Variants in CADPS observed in about 807,000 individuals in gnomAD.
CADPS encodes calcium-dependent secretion activator 1.
A neutral mutation model predicts 167.3 loss-of-function variants in CADPS; 57 were observed. The ratio of observed to expected loss-of-function variants is 0.34; its 90% CI spans 0.28 to 0.42. The LOEUF (loss-of-function observed/expected upper bound fraction) is 0.42. CADPS is among the 20% of genes least tolerant of loss of function. The probability of loss-of-function intolerance (pLI) is 1.00; values close to 1 mark genes in which losing one functional copy is unlikely to be tolerated. For synonymous variants in CADPS, 676 were observed against 635.3 expected, an observed-to-expected ratio of 1.06 and a Z score of -0.96; for missense variants, 1,414 against 1,738.1, an observed-to-expected ratio of 0.81 and a Z score of 3.32.
chr3:62,597,949 A>C (rs2059157961), intron 6 of CADPS, among the ~76,000 whole-genome samples: 1 of 152,184 alleles, frequency 6.6e-6, no homozygotes, highest in Non-Finnish European at 1.5e-5. Flanking sequence ...GGCCCAGTGC[A>C]AATAAAAAAT....
intron 13 of CADPS, among the ~76,000 whole-genome samples, chr3:62,521,689 G>A (rs771926897): frequency 6.6e-5 from 10 of 152,148 alleles, no homozygotes; most frequent in Non-Finnish European, 1.3e-4. Flanking sequence ...TCACGCTCTC[G>A]TGTCCTGACT....
intron 1 of CADPS, among the ~76,000 whole-genome samples, chr3:62,805,475 C>T (rs73102735): frequency 0.18 from 26,816 of 152,084 alleles, 2,779 homozygotes; most frequent in Middle Eastern, 0.3. Flanking sequence ...AATCTTACCT[C>T]GAAACTACTA....
chr3:62,621,157 A>T (rs2063107666), intron 6 of CADPS, among the ~76,000 whole-genome samples: 1 of 152,186 alleles, frequency 6.6e-6, no homozygotes, highest in Non-Finnish European at 1.5e-5. Flanking sequence ...ATATGGGGGC[A>T]CCGCAGATTG....
intron 9 of CADPS, among the ~76,000 whole-genome samples, chr3:62,557,815 G>T (rs976488130): frequency 1.3e-5 from 2 of 152,166 alleles, no homozygotes; most frequent in African/African-American, 4.8e-5. Context: ...CTTGATGAAG[G>T]TTAGCTATTA....
chr3:62,742,733 A>C (rs1170955828), intron 3 of CADPS, among the ~76,000 whole-genome samples: 1 of 152,248 alleles, frequency 6.6e-6, no homozygotes, highest in Non-Finnish European at 1.5e-5. Flanking sequence ...TTCATGATGA[A>C]GACACCAAAA....
intron 1 of CADPS, among the ~76,000 whole-genome samples, chr3:62,815,322 G>A (rs2094563943): frequency 6.6e-6 from 1 of 151,826 alleles, no homozygotes; most frequent in South Asian, 2.1e-4. Flanking sequence ...ATTAGTGAGT[G>A]AAGAGGCCAG....
chr3:62,693,855 T>C (rs1211485986), intron 3 of CADPS, among the ~76,000 whole-genome samples: 1 of 151,866 alleles, frequency 6.6e-6, no homozygotes, highest in Admixed American at 6.6e-5. Context: ...AAACTCTGAG[T>C]TTCTTCACTT....
chr3:62,485,954 T>C (rs759099139), intron 21 of CADPS, among the ~76,000 whole-genome samples: 1 of 152,078 alleles, frequency 6.6e-6, no homozygotes. Context: ...CCCAGCAAAT[T>C]ATTGGCAGAA....
intron 28 of CADPS, among the ~76,000 whole-genome samples, chr3:62,424,321 C>T (rs1319896635): frequency 5.9e-5 from 9 of 152,088 alleles, no homozygotes; most frequent in African/African-American, 9.7e-5. Flanking sequence ...GTAGGTGGGG[C>T]TACAGGTGTG....
intron 14 of CADPS, among the ~76,000 whole-genome samples, chr3:62,517,469 A>G (rs1366089230): frequency 6.6e-6 from 1 of 152,186 alleles, no homozygotes; most frequent in Non-Finnish European, 1.5e-5. Context: ...CCACGAGTTA[A>G]TACTTCTCCA....
chr3:62,835,216 C>T (rs2153009009), intron 1 of CADPS, among the ~76,000 whole-genome samples: 1 of 152,174 alleles, frequency 6.6e-6, no homozygotes, highest in East Asian at 1.9e-4. Context: ...GATAAAATTA[C>T]CTTTTCCCAT....
chr3:62,488,664 T>A (rs2151012976), intron 21 of CADPS, among the ~76,000 whole-genome samples: 1 of 152,026 alleles, frequency 6.6e-6, no homozygotes, highest in East Asian at 1.9e-4. Context: ...GCTACTTTTT[T>A]TATTTTGTAG....
At chr3:62,516,029 T>G (rs1249161324) in intron 16 of CADPS, 30 bp downstream of exon 16, 1 of 1,611,718 alleles carries the variant, frequency 6.2e-7, no homozygotes. Context: ...AAAATTTAAA[T>G]TCAAAACTGG....
chr3:62,639,574 A>T (rs770926249), intron 6 of CADPS, among the ~76,000 whole-genome samples: 1 of 152,192 alleles, frequency 6.6e-6, no homozygotes, highest in Non-Finnish European at 1.5e-5. Context: ...CTAATACTAA[A>T]GCCTGGCAAA....
At chr3:62,798,145 C>T (rs2093555292) in intron 1 of CADPS, among the ~76,000 whole-genome samples, 1 of 152,124 alleles carries the variant, frequency 6.6e-6, no homozygotes, top group Admixed American at 6.6e-5. Context: ...ATGGCTAATA[C>T]TGAGTGTCAA....
At chr3:62,706,793 T>G (rs2082385963) in intron 3 of CADPS, among the ~76,000 whole-genome samples, 1 of 152,086 alleles carries the variant, frequency 6.6e-6, no homozygotes, top group Non-Finnish European at 1.5e-5. Context: ...CTCATTTAAC[T>G]TGTTTACCTC....
At chr3:62,468,199 T>C (rs1015492278) in intron 24 of CADPS, among the ~76,000 whole-genome samples, 3 of 152,138 alleles carry the variant, frequency 2.0e-5, no homozygotes, top group African/African-American at 7.2e-5. Context: ...TCAGGAAAAT[T>C]GACAGGGCTC....
chr3:62,825,619 T>G (rs941434449), intron 1 of CADPS, among the ~76,000 whole-genome samples: 4 of 152,168 alleles, frequency 2.6e-5, no homozygotes, highest in Admixed American at 2.6e-4. Context: ...GTAAGGCCAT[T>G]TGTCACATAG....
At chr3:62,828,393 C>A (rs187906979) in intron 1 of CADPS, among the ~76,000 whole-genome samples, 17 of 152,220 alleles carry the variant, frequency 1.1e-4, no homozygotes, top group African/African-American at 4.1e-4. Flanking sequence ...CAGAGAAATT[C>A]TTTTAAAGTA....
Sources: allele counts gnomAD v4.1 joint callset (sites outside exome capture counted in the v4.1 genomes callset), GRCh38; gene constraint gnomAD v4.1.1; transcripts MANE v1.5; gene names NCBI Gene and HGNC (gene_info 2026-07-23, HGNC 2026-07-21).